The following SAMD12 variants were observed in gnomAD, a reference collection of about 807,000 sequenced individuals.
The protein encoded by SAMD12 is sterile alpha motif domain-containing protein 12.
SAMD12 carries 9 observed loss-of-function variants against 15.0 expected under a neutral mutation model. The ratio of observed to expected loss-of-function variants is 0.60; its 90% CI spans 0.36 to 1.05. The LOEUF is 1.05. Ranked by LOEUF, SAMD12 falls within the 50% of genes least tolerant of loss-of-function variation. The pLI is 0.01. For synonymous variants in SAMD12, 86 were observed against 90.1 expected, an observed-to-expected ratio of 0.96 and a Z score of 0.25; for missense variants, 230 against 234.2, an observed-to-expected ratio of 0.98 and a Z score of 0.12.
chr8:118,608,342 G>T (rs953455216), intron 1 of SAMD12, among the ~76,000 whole-genome samples: 14 of 151,962 alleles, frequency 9.2e-5, no homozygotes, highest in African/African-American at 3.1e-4. Flanking sequence ...ACCACTGGCT[G>T]TCTCTGCTTG....
chr8:118,486,949 A>G (rs1333245873), intron 2 of SAMD12, among the ~76,000 whole-genome samples: 1 of 152,192 alleles, frequency 6.6e-6, no homozygotes, highest in Non-Finnish European at 1.5e-5. Flanking sequence ...CCAGCCCAAT[A>G]GAGGTGAAGT....
At chr8:118,498,436 C>G (rs758474244) in intron 2 of SAMD12, among the ~76,000 whole-genome samples, 3 of 152,180 alleles carry the variant, frequency 2.0e-5, no homozygotes, top group Non-Finnish European at 2.9e-5. Flanking sequence ...TTTACTACCT[C>G]GCAACACTGC....
At chr8:118,370,955 T>TAA (rs71307452) in intron 4 of SAMD12, among the ~76,000 whole-genome samples, 32 of 151,746 alleles carry the variant, frequency 2.1e-4, no homozygotes, top group Middle Eastern at 3.4e-3. Context: ...AAATTTTTTT[T>TAA]AAAAAAGAAA....
the SAMD12 span, among the ~76,000 whole-genome samples, chr8:118,169,482 A>T: frequency 6.6e-6 from 1 of 152,370 alleles, no homozygotes; most frequent in Non-Finnish European, 1.5e-5. Context: ...TGTTGGGGCT[A>T]CATTTCTTTG....
the SAMD12 span, among the ~76,000 whole-genome samples, chr8:118,167,868 C>T: frequency 6.6e-6 from 1 of 152,120 alleles, no homozygotes; most frequent in African/African-American, 2.4e-5. Flanking sequence ...CAGGTGTGTT[C>T]TTGGGGGTTG....
At chr8:118,369,000 G>C (rs1245843818) in intron 4 of SAMD12, among the ~76,000 whole-genome samples, 2 of 152,148 alleles carry the variant, frequency 1.3e-5, no homozygotes, top group African/African-American at 2.4e-5. Flanking sequence ...CTGAGTTCCA[G>C]CTCTGTGCCA....
chr8:118,203,490 C>G (rs1035048404), intron 4 of SAMD12, among the ~76,000 whole-genome samples: 1 of 151,984 alleles, frequency 6.6e-6, no homozygotes, highest in South Asian at 2.1e-4. Context: ...TAGGACAGCC[C>G]TCACAACAGA....
intron 4 of SAMD12, among the ~76,000 whole-genome samples, chr8:118,233,583 T>A (rs1428807773): frequency 6.6e-6 from 1 of 152,112 alleles, no homozygotes; most frequent in Non-Finnish European, 1.5e-5. Context: ...GTAGATTATA[T>A]AAAATAAAGG....
At chr8:118,582,939 A>G (rs1827334168) in intron 1 of SAMD12, among the ~76,000 whole-genome samples, 1 of 151,778 alleles carries the variant, frequency 6.6e-6, no homozygotes, top group African/African-American at 2.4e-5. Context: ...TATTATCCAT[A>G]GCACCGACTT....
chr8:118,165,334 A>G, the SAMD12 span, among the ~76,000 whole-genome samples: 25 of 152,130 alleles, frequency 1.6e-4, no homozygotes, highest in African/African-American at 6.0e-4. Context: ...GAAGAGATGC[A>G]TTGGGAGAGG....
At chr8:118,180,781 A>C in the SAMD12 span, among the ~76,000 whole-genome samples, 2 of 152,098 alleles carry the variant, frequency 1.3e-5, no homozygotes, top group East Asian at 3.9e-4. Flanking sequence ...AGACTTGCTC[A>C]AAATCCTGGG....
chr8:118,420,148 T>C (rs1177978376), intron 3 of SAMD12, among the ~76,000 whole-genome samples: 1 of 152,136 alleles, frequency 6.6e-6, no homozygotes, highest in Non-Finnish European at 1.5e-5. Context: ...CTGGCCACAA[T>C]CATGGGAAAA....
At chr8:118,484,460 G>C (rs993266039) in intron 2 of SAMD12, among the ~76,000 whole-genome samples, 2 of 152,108 alleles carry the variant, frequency 1.3e-5, no homozygotes, top group Non-Finnish European at 2.9e-5. Flanking sequence ...AAAAATTAGA[G>C]CGGGCTGGCT....
At chr8:118,133,314 C>T in the SAMD12 span, among the ~76,000 whole-genome samples, 7 of 151,616 alleles carry the variant, frequency 4.6e-5, no homozygotes, top group African/African-American at 7.3e-5. Context: ...TTTTGATGTC[C>T]ATCATTCATT....
intron 2 of SAMD12, among the ~76,000 whole-genome samples, chr8:118,553,085 T>C (rs1001083869): frequency 3.2e-4 from 48 of 151,846 alleles, no homozygotes; most frequent in Admixed American, 9.8e-4. Flanking sequence ...AGAATCAATA[T>C]CGTGAAAATG....
chr8:118,506,904 T>C (rs1427282261), intron 2 of SAMD12, among the ~76,000 whole-genome samples: 1 of 151,830 alleles, frequency 6.6e-6, no homozygotes, highest in Non-Finnish European at 1.5e-5. Context: ...CTGTCTGCCA[T>C]CATGAAGCTG....
chr8:118,219,877 A>G (rs1395343826), intron 4 of SAMD12, among the ~76,000 whole-genome samples: 1 of 152,234 alleles, frequency 6.6e-6, no homozygotes, highest in African/African-American at 2.4e-5. Flanking sequence ...CTCTGCCCCA[A>G]CGTGCAACTC....
intron 1 of SAMD12, among the ~76,000 whole-genome samples, chr8:118,590,502 A>C (rs1827562052): frequency 6.6e-6 from 1 of 152,248 alleles, no homozygotes; most frequent in Non-Finnish European, 1.5e-5. Flanking sequence ...TGTCAGAGGA[A>C]GTCTGGTAGA....
At chr8:118,476,275 C>T (rs1563883469) in intron 2 of SAMD12, among the ~76,000 whole-genome samples, 1 of 152,178 alleles carries the variant, frequency 6.6e-6, no homozygotes, top group African/African-American at 2.4e-5. Context: ...TCTAGGTAAA[C>T]TGAGCCAGTT....
Sources: gnomAD v4.1 joint callset for allele counts (sites outside exome capture counted in the v4.1 genomes callset) on GRCh38, gnomAD v4.1.1 for gene constraint, MANE v1.5 for transcripts, NCBI Gene and HGNC (gene_info 2026-07-23, HGNC 2026-07-21) for gene names.